The following CDK13 variants were observed in gnomAD, a reference collection of about 807,000 sequenced individuals.
CDK13 encodes the protein cyclin dependent kinase 13, also known as cyclin-dependent kinase 13.
Under a neutral mutation model 137.6 loss-of-function variants are expected in CDK13, and 40 were observed. The observed-to-expected ratio is 0.29, with a 90% CI of 0.23 to 0.38. CDK13 has a LOEUF of 0.38. Among genes scored for constraint, CDK13 ranks in the 10% least tolerant of loss-of-function variants. CDK13 has a pLI of 1.00. For missense variants in CDK13, 1,704 were observed against 1,951.8 expected (o/e 0.87, Z 2.39); for synonymous variants, 869 against 760.1 (o/e 1.14, Z -2.36).
chr7:40,071,482 A>C (rs929032987), intron 9 of CDK13: 2 of 152,340 alleles, frequency 1.3e-5, no homozygotes, highest in Non-Finnish European at 2.9e-5. Flanking sequence ...CACAAAAATT[A>C]GATGATTGCT....
chr7:40,042,872 G>A (rs1785644125), intron 5 of CDK13, among the ~76,000 whole-genome samples: 1 of 151,706 alleles, frequency 6.6e-6, no homozygotes, highest in South Asian at 2.1e-4. Flanking sequence ...CAAACTCTGG[G>A]GCTCAAGTAG....
intron 6 of CDK13, among the ~76,000 whole-genome samples, 198 bp downstream of exon 6, chr7:40,046,223 A>G (rs1477862512): frequency 1.3e-5 from 2 of 152,194 alleles, no homozygotes; most frequent in African/African-American, 4.8e-5. Flanking sequence ...TGTAATACCC[A>G]TGTCACCAAC....
intron 1 of CDK13, among the ~76,000 whole-genome samples, chr7:39,955,541 T>G (rs1420019115): frequency 6.6e-6 from 1 of 152,082 alleles, no homozygotes; most frequent in Non-Finnish European, 1.5e-5. Flanking sequence ...GCTGGCCACC[T>G]CACATAATGA....
At chr7:40,021,555 A>C (rs2150497079) in intron 5 of CDK13, among the ~76,000 whole-genome samples, 1 of 152,322 alleles carries the variant, frequency 6.6e-6, no homozygotes, top group African/African-American at 2.4e-5. Context: ...AAAACTCCAA[A>C]AAATTTTTGA....
At chr7:40,060,189 TTTAC>T (rs1224885540) in intron 7 of CDK13, among the ~76,000 whole-genome samples, 1 of 152,194 alleles carries the variant, frequency 6.6e-6, no homozygotes, top group Non-Finnish European at 1.5e-5. Context: ...AAAATAATCT[TTTAC>T]TTATTCCTTT....
Position 39,988,214 on chromosome 7 carries a change from G to A in CDK13, c.1827G>A (p.Pro609=), listed in dbSNP as rs369158462. ...CTTTAGTCACCTCTACATTACCACCGTTACCTTTGCCTCCCATGCTGCCTG... is the reference window on the plus strand; with the variant it reads ...CTTTAGTCACCTCTACATTACCACCATTACCTTTGCCTCCCATGCTGCCTG... The part of the protein sequence containing the change: ...HVALVTSTLP[P]LPLPPMLPED... The change falls in exon 2 of 14, where the codon CCG becomes CCA. Residue 609 remains proline (P), a synonymous_variant. Transcript: ENST00000181839. The A allele has an allele frequency of 2.3e-5, 37 of 1,611,630 alleles. No homozygotes were observed. The African/African-American group carries it at 2.4e-4, about 10-fold the overall frequency.
chr7:40,080,633 G>A (rs1786645072), intron 11 of CDK13, among the ~76,000 whole-genome samples: 1 of 152,104 alleles, frequency 6.6e-6, no homozygotes, highest in Admixed American at 6.6e-5. Context: ...GTGTGTATCA[G>A]TAATCTTAAA....
At chr7:39,975,550 C>T (rs1038173909) in intron 1 of CDK13, among the ~76,000 whole-genome samples, 1 of 152,130 alleles carries the variant, frequency 6.6e-6, no homozygotes, top group Non-Finnish European at 1.5e-5. Flanking sequence ...GTAATGATTG[C>T]CACATTGGTT....
In CDK13 at chr7:39,951,279, A is replaced by G. The variant is rs1368976391; in HGVS notation, c.638A>G (p.His213Arg). 14 of 1,359,586 alleles carry G rather than the reference A, an allele frequency of 1.0e-5. No homozygotes were observed. Among genetic ancestry groups the G allele is most frequent in the Non-Finnish European group, 1.3e-5 (14 of 1,065,118 alleles). The allele number at this position is 1,359,586 out of a possible 1,614,324, so 84.2% of individuals were successfully genotyped here. A position where few individuals can be genotyped will look rare whatever the true frequency, so the allele number is the denominator to read the frequency against. Reference sequence around the variant, plus strand: ...AGCAGTGGCCGCAGCAAGGAGCGCCACCGCGAGCACCGGCGGCGGGATGGG... The same window carrying G: ...AGCAGTGGCCGCAGCAAGGAGCGCCGCCGCGAGCACCGGCGGCGGGATGGG... Reference protein sequence around the residue: ...RSSSGRSKERHREHRRRDGQR... With the variant: ...RSSSGRSKERRREHRRRDGQR... Residue 213 changes from histidine (H) to arginine (R), a missense_variant, in exon 1 of 14, where the codon CAC (histidine) becomes CGC (arginine). Transcript: ENST00000181839.
At chr7:40,036,915 T>G (rs1330989218) in intron 5 of CDK13, among the ~76,000 whole-genome samples, 1 of 152,164 alleles carries the variant, frequency 6.6e-6, no homozygotes, top group Non-Finnish European at 1.5e-5. Context: ...CTCAAAAATG[T>G]TTTTTATAGC....
chr7:39,953,694 C>T (rs1369566917), intron 1 of CDK13, among the ~76,000 whole-genome samples: 1 of 152,134 alleles, frequency 6.6e-6, no homozygotes, highest in Non-Finnish European at 1.5e-5. Flanking sequence ...GAGGACCGTT[C>T]AACACATAAT....
chr7:39,965,874 T>C (rs904703050), intron 1 of CDK13, among the ~76,000 whole-genome samples: 3 of 152,234 alleles, frequency 2.0e-5, no homozygotes, highest in Admixed American at 6.5e-5. Flanking sequence ...CCTTCACTTA[T>C]GAAGCTTAGT....
At chr7:40,023,764 C>T (rs1162052954) in intron 5 of CDK13, among the ~76,000 whole-genome samples, 7 of 152,148 alleles carry the variant, frequency 4.6e-5, no homozygotes, top group African/African-American at 9.7e-5. Flanking sequence ...AGATTACAGG[C>T]GTGAGCCACC....
chr7:40,002,902 A>T (rs967188421), intron 5 of CDK13, among the ~76,000 whole-genome samples: 1 of 87,884 alleles, frequency 1.1e-5, no homozygotes, highest in African/African-American at 9.8e-5. Context: ...CCATCTCTAC[A>T]AAAAAAAAAA....
intron 5 of CDK13, among the ~76,000 whole-genome samples, chr7:40,008,508 C>G (rs1784837302): frequency 6.6e-6 from 1 of 152,138 alleles, no homozygotes; most frequent in African/African-American, 2.4e-5. Flanking sequence ...CTGTTTCTGC[C>G]TAGAGATTTT....
At chr7:39,967,049 C>T (rs763609371) in intron 1 of CDK13, among the ~76,000 whole-genome samples, 17 of 152,260 alleles carry the variant, frequency 1.1e-4, no homozygotes, top group Admixed American at 2.0e-4. Context: ...AGTTAGGCTA[C>T]TCGGGGTTCA....
chr7:40,031,925 T>C (rs1418042971), intron 5 of CDK13, among the ~76,000 whole-genome samples: 1 of 151,516 alleles, frequency 6.6e-6, no homozygotes, highest in Non-Finnish European at 1.5e-5. Flanking sequence ...GCCTTCAAGC[T>C]ATCCTCCTGC....
Position 40,077,335 on chromosome 7 carries a change from CA to C in CDK13, c.2781-664del, listed in dbSNP as rs547689228. 1.9e-4 allele frequency among the ~76,000 whole-genome samples: 29 copies of C among 151,980 alleles called. No individual in the cohort carries two copies. The South Asian group carries it at 5.6e-3, about 29-fold the overall frequency. On this transcript the variant is annotated intron_variant, in intron 9 of 13. Transcript: ENST00000181839. ...CATGGGAAGGAGGAGTGACAGGTAC[CA>C]AAAAACCAGAGAGGGACATATATTC...
intron 7 of CDK13, among the ~76,000 whole-genome samples, chr7:40,052,486 G>A (rs143744513): frequency 3.9e-5 from 6 of 152,088 alleles, no homozygotes; most frequent in East Asian, 1.9e-4. Context: ...CCTGAAAAAC[G>A]TATCTTTAAT....
Sources: allele counts gnomAD v4.1 joint callset (sites outside exome capture counted in the v4.1 genomes callset), GRCh38; gene constraint gnomAD v4.1.1; transcripts MANE v1.5; gene names NCBI Gene and HGNC (gene_info 2026-07-23, HGNC 2026-07-21).